ATF7: variants seen among roughly 807,000 people sequenced by gnomAD.
The protein encoded by ATF7 is cyclic AMP-dependent transcription factor ATF-7.
ATF7 carries 10 observed loss-of-function variants against 50.4 expected under a neutral mutation model. The ratio of observed to expected loss-of-function variants is 0.20; its 90% CI spans 0.12 to 0.34. The LOEUF is 0.34. Ranked by LOEUF, ATF7 falls within the 10% of genes least tolerant of loss-of-function variation. The pLI is 1.00. For synonymous variants in ATF7, 201 were observed against 226.4 expected (o/e 0.89, Z 1.01); for missense variants, 465 against 613.9 (o/e 0.76, Z 2.56).
chr12:53,523,417 A>AAATTC lies in ATF7; in HGVS notation c.1126-38_1126-34dup, dbSNP rs1938243168. 5 of 1,489,284 alleles carry AAATTC rather than the reference A, an allele frequency of 3.4e-6. No homozygotes were observed. In the East Asian group the frequency reaches 1.1e-4, roughly 34 times the overall value. 92.3% of individuals were successfully genotyped at this position (1,489,284 alleles called of 1,614,324 possible). On this transcript the variant is annotated intron_variant, in intron 10 of 11. Transcript: ENST00000420353. ...GGGAGGGAAGAAAAGAGTATCAAGAAAATTCATCCTCTACTCTTGCACCCT... is the reference window on the plus strand; with the variant it reads ...GGGAGGGAAGAAAAGAGTATCAAGAAAATTCAATTCATCCTCTACTCTTGCACCCT...
At chr12:53,548,848 G>A (rs1940120325) in intron 3 of ATF7, among the ~76,000 whole-genome samples, 1 of 152,132 alleles carries the variant, frequency 6.6e-6, no homozygotes, top group Non-Finnish European at 1.5e-5. Context: ...CTGGGTGTGT[G>A]GTGGTGCACA....
intron 10 of ATF7, among the ~76,000 whole-genome samples, chr12:53,523,642 G>A (rs2137334683): frequency 6.6e-6 from 1 of 152,278 alleles, no homozygotes; most frequent in Non-Finnish European, 1.5e-5. Flanking sequence ...TGATTCTACT[G>A]AAATTAGTAA....
chr12:53,613,619 C>T (rs1308621730), intron 1 of ATF7, among the ~76,000 whole-genome samples: 5 of 152,028 alleles, frequency 3.3e-5, no homozygotes, highest in African/African-American at 1.2e-4. Context: ...CTCCCTGGCT[C>T]AAGTGATCCT....
At chr12:53,551,565 T>C (rs1940354434) in intron 3 of ATF7, among the ~76,000 whole-genome samples, 1 of 152,212 alleles carries the variant, frequency 6.6e-6, no homozygotes, top group Admixed American at 6.5e-5. Flanking sequence ...GCCTGGTGTA[T>C]ACAGTAGATA....
rs11610413 is a variant in ATF7, at chr12:53,531,417, C to A, written c.927+327G>T. 9.3e-3 allele frequency among the ~76,000 whole-genome samples: 1,306 copies of A among 139,780 alleles called. 10 individuals carry two copies. Among genetic ancestry groups the A allele is most frequent in the Middle Eastern group, 0.014 (4 of 280 alleles). 91.7% of individuals were successfully genotyped at this position (139,780 alleles called of 152,430 possible). Reference sequence around the variant, plus strand: ...AGCCCAGGCAACAAGAGCGAAACTCCATCTCAAAAAAAAAAAAAAAAAGCG... The same window carrying A: ...AGCCCAGGCAACAAGAGCGAAACTCAATCTCAAAAAAAAAAAAAAAAAGCG... On this transcript the variant is annotated intron_variant, in intron 9 of 11. Coordinates refer to ENST00000420353, the MANE Select transcript of ATF7 (RefSeq NM_006856.3).
chr12:53,533,846 G>T (rs919829812), intron 6 of ATF7, among the ~76,000 whole-genome samples: 1 of 152,196 alleles, frequency 6.6e-6, no homozygotes, highest in Non-Finnish European at 1.5e-5. Context: ...GGACTGAGGA[G>T]ACTTAATGGG....
intron 4 of ATF7, among the ~76,000 whole-genome samples, chr12:53,542,289 T>C (rs1212639614): frequency 1.3e-5 from 2 of 151,110 alleles, no homozygotes; most frequent in Admixed American, 6.6e-5. Context: ...TAGCCAGGTG[T>C]GGTGGTGGGC....
chr12:53,570,431 C>T (rs2137618933), intron 2 of ATF7, among the ~76,000 whole-genome samples: 1 of 152,276 alleles, frequency 6.6e-6, no homozygotes, highest in Non-Finnish European at 1.5e-5. Context: ...AACTTCCAGT[C>T]CTCACCTCTA....
At chr12:53,598,927 ATTTTTC>A in intron 2 of ATF7, among the ~76,000 whole-genome samples, 1 of 152,206 alleles carries the variant, frequency 6.6e-6, no homozygotes, top group Admixed American at 6.5e-5. Flanking sequence ...AAAAATGCCT[ATTTTTC>A]AACTAAAAGC....
chr12:53,609,821 C>CTT (rs757421100), intron 1 of ATF7, among the ~76,000 whole-genome samples: 1 of 115,956 alleles, frequency 8.6e-6, no homozygotes. Context: ...AAATGTTATG[C>CTT]TTTTTTTTTT....
chr12:53,546,977 C>CTTT (rs565759569), intron 3 of ATF7, among the ~76,000 whole-genome samples: 9 of 116,424 alleles, frequency 7.7e-5, no homozygotes, highest in Non-Finnish European at 9.2e-5. Flanking sequence ...CAGGCTGGCT[C>CTTT]TTTTTTTTTT....
intron 3 of ATF7, among the ~76,000 whole-genome samples, chr12:53,545,364 G>T (rs1421397016): frequency 6.6e-6 from 1 of 152,130 alleles, no homozygotes; most frequent in African/African-American, 2.4e-5. Flanking sequence ...TTGTTGCTCA[G>T]GCTGGAGTGC....
chr12:53,529,219 G>A (rs574405009), intron 9 of ATF7, among the ~76,000 whole-genome samples: 48 of 152,158 alleles, frequency 3.2e-4, no homozygotes, highest in Non-Finnish European at 5.9e-4. Context: ...ATTTATTTAA[G>A]ACGGAGTTTC....
chr12:53,608,487 T>G (rs1943710220), intron 1 of ATF7, among the ~76,000 whole-genome samples: 1 of 152,142 alleles, frequency 6.6e-6, no homozygotes, highest in South Asian at 2.1e-4. Context: ...GCTCCTCCTT[T>G]TGTTACCTTC....
chr12:53,579,937 C>T (rs1197797282), intron 2 of ATF7, among the ~76,000 whole-genome samples: 2 of 152,084 alleles, frequency 1.3e-5, no homozygotes, highest in African/African-American at 4.8e-5. Context: ...TCTCACAAAC[C>T]CTTTATCTTT....
At chr12:53,563,235 T>C (rs1941253310) in intron 2 of ATF7, among the ~76,000 whole-genome samples, 1 of 152,196 alleles carries the variant, frequency 6.6e-6, no homozygotes, top group Admixed American at 6.5e-5. Flanking sequence ...TTTCTTGAAC[T>C]TGTATAGTAT....
rs769339599 is a variant in ATF7, at chr12:53,524,778, AAG to A, written c.928-19_928-18del. On this transcript the variant is annotated intron_variant, in intron 9 of 11. Coordinates refer to ENST00000420353, the MANE Select transcript of ATF7 (RefSeq NM_006856.3). This position sits in a 1 kb window ranked among gnomAD's most constrained non-coding sequence, Gnocchi z 4.6. ...TGGTGAGACCTGGTGCCCAGGAAGGAAGAGAGGTTACTTGATGGGAACATTAA... is the reference window on the plus strand; with the variant it reads ...TGGTGAGACCTGGTGCCCAGGAAGGAAGAGGTTACTTGATGGGAACATTAA... 1.9e-6 allele frequency: 3 copies of A among 1,569,828 alleles called. No individual in the cohort carries two copies. The Admixed American group carries it at 5.7e-5, about 30-fold the overall frequency.
chr12:53,533,268 G>A lies in ATF7; in HGVS notation c.561-9C>T, dbSNP rs967211630. The A allele has an allele frequency of 1.3e-6, 2 of 1,592,890 alleles. No individual in the cohort carries two copies. Among genetic ancestry groups the A allele is most frequent in the Non-Finnish European group, 1.7e-6 (2 of 1,160,956 alleles). ...GGGAGCCAGTGGGAGACCTAGAGGA[G>A]ACATGAAGTGAAATGCTCATAACAC... On this transcript the variant is annotated splice_polypyrimidine_tract_variant and intron_variant, in intron 6 of 11. Transcript: ENST00000420353.
chr12:53,524,947 T>G lies in ATF7; in HGVS notation c.928-186A>C. 1 of 565,892 alleles carries G rather than the reference T, an allele frequency of 1.8e-6. No homozygotes were observed. The highest frequency in any genetic ancestry group is 3.0e-6 in the Non-Finnish European group (1 of 327,884). The allele number at this position is 565,892 out of a possible 1,614,324, so 35.1% of individuals were successfully genotyped here. On this transcript the variant is annotated intron_variant, in intron 9 of 11. Coordinates refer to ENST00000420353, the MANE Select transcript of ATF7 (RefSeq NM_006856.3). The surrounding 1 kb of genome is among the most constrained non-coding windows in gnomAD (Gnocchi z 4.6). ...GGAGTCCTCAATTTTGCCTCCTATTTCCTTCCAGTCTTCTCAGTCTCATAC... is the reference window on the plus strand; with the variant it reads ...GGAGTCCTCAATTTTGCCTCCTATTGCCTTCCAGTCTTCTCAGTCTCATAC...
Sources: allele counts gnomAD v4.1 joint callset (sites outside exome capture counted in the v4.1 genomes callset), GRCh38; gene constraint gnomAD v4.1.1; non-coding constraint Gnocchi (gnomAD v3.1); transcripts MANE v1.5; gene names NCBI Gene and HGNC (gene_info 2026-07-23, HGNC 2026-07-21).